Variants in PDGFRL observed in about 807,000 individuals in gnomAD.
The protein encoded by PDGFRL is platelet derived growth factor receptor like.
In PDGFRL, 46 loss-of-function variants were observed where a neutral mutation model predicts 37.2. The observed-to-expected ratio is 1.24, with a 90% CI of 0.98 to 1.58. The LOEUF (loss-of-function observed/expected upper bound fraction) is 1.58, where lower values mean the gene tolerates loss of function less well. PDGFRL is among the 40% of genes most tolerant of loss of function. The pLI is 0.00. For missense variants in PDGFRL, 692 were observed against 467.6 expected, an observed-to-expected ratio of 1.48 and a Z score of -4.43; for synonymous variants, 251 against 184.3, an observed-to-expected ratio of 1.36 and a Z score of -2.93.
chr8:17,640,002 G>T (rs561219718), intron 5 of PDGFRL, among the ~76,000 whole-genome samples: 4 of 152,040 alleles, frequency 2.6e-5, no homozygotes, highest in Non-Finnish European at 5.9e-5. Context: ...GTCTTTGTTC[G>T]ATTGGGTTAA....
chr8:17,587,363 T>G (rs1803839395), intron 1 of PDGFRL, among the ~76,000 whole-genome samples: 2 of 152,194 alleles, frequency 1.3e-5, no homozygotes, highest in Non-Finnish European at 2.9e-5. Flanking sequence ...GTAGCTCTGT[T>G]TGTCTAAATT....
At chr8:17,588,579 A>G (rs1803867030) in intron 1 of PDGFRL, among the ~76,000 whole-genome samples, 1 of 152,122 alleles carries the variant, frequency 6.6e-6, no homozygotes, top group Admixed American at 6.6e-5. Context: ...AGGCTGAGGC[A>G]GGAGGATCAC....
chr8:17,588,889 T>C (rs1264604192), intron 1 of PDGFRL, among the ~76,000 whole-genome samples: 2 of 152,192 alleles, frequency 1.3e-5, no homozygotes, highest in African/African-American at 4.8e-5. Context: ...CAGGCAGTAA[T>C]ATTTTTGTTT....
At chr8:17,626,201 A>C (rs1458349348) in intron 3 of PDGFRL, among the ~76,000 whole-genome samples, 1 of 152,228 alleles carries the variant, frequency 6.6e-6, no homozygotes, top group Non-Finnish European at 1.5e-5. Context: ...TCTCTTGACA[A>C]ATGTGGACAT....
In PDGFRL at chr8:17,628,614, C is replaced by A. The variant is rs1378230903; in HGVS notation, c.633C>A (p.Phe211Leu). Reference protein sequence around the residue: ...LSAKVTLHREFPAKEIPANGT... With the variant: ...LSAKVTLHRELPAKEIPANGT... ...CCAAAGTCACGCTCCACAGGGAATT[C>A]CCAGCCAAGGAGATCCCAGCCAATG... is the stretch of plus-strand genomic sequence containing the variant. Residue 211 changes from phenylalanine (F) to leucine (L), a missense_variant, in exon 4 of 6, where the codon TTC (phenylalanine) becomes TTA (leucine). Physicochemically the swap from Phe to Leu is conservative, Grantham distance 22. Coordinates refer to ENST00000251630, the MANE Select transcript of PDGFRL (RefSeq NM_001372073.1). 6.2e-7 allele frequency: 1 copy of A among 1,614,176 alleles called. No homozygotes were observed.
chr8:17,618,429 T>G (rs1416988215), intron 2 of PDGFRL, among the ~76,000 whole-genome samples: 1 of 152,242 alleles, frequency 6.6e-6, no homozygotes, highest in Non-Finnish European at 1.5e-5. Context: ...ATGGCTATAG[T>G]AATCTTCATG....
rs1585328869 is a variant in PDGFRL at position 17,626,517 on chromosome 8, C to A, written c.506-1970C>A. On this transcript the variant is annotated intron_variant, in intron 3 of 5. Transcript: ENST00000251630. Reference sequence around the variant, plus strand: ...CCATTTGATGATGTGTCCAGGAATTCTGCCCCCAACCTAAAACACCATCTA... The same window carrying A: ...CCATTTGATGATGTGTCCAGGAATTATGCCCCCAACCTAAAACACCATCTA... Among the ~76,000 whole-genome samples the A allele has an allele frequency of 2.0e-5, 3 of 152,272 alleles. No homozygotes were observed. In the East Asian group the frequency reaches 5.8e-4, roughly 29 times the overall value.
intron 1 of PDGFRL, among the ~76,000 whole-genome samples, chr8:17,582,953 A>C (rs1803739041): frequency 6.6e-6 from 1 of 152,142 alleles, no homozygotes; most frequent in Non-Finnish European, 1.5e-5. Flanking sequence ...CAGGTGCACC[A>C]GCTCTAGCCT....
intron 4 of PDGFRL, among the ~76,000 whole-genome samples, chr8:17,631,867 C>T (rs1342443712): frequency 1.3e-5 from 2 of 152,220 alleles, no homozygotes; most frequent in Admixed American, 6.5e-5. Context: ...TGGTGCTCCC[C>T]CAGGCACCCT....
chr8:17,586,324 C>G (rs996062143), intron 1 of PDGFRL, among the ~76,000 whole-genome samples: 5 of 152,194 alleles, frequency 3.3e-5, no homozygotes, highest in African/African-American at 9.7e-5. Flanking sequence ...GCACCTCCAG[C>G]TCTTCCAGGA....
Position 17,579,959 on chromosome 8 carries a change from C to T in PDGFRL, c.55+2652C>T, listed in dbSNP as rs140063166. 7.2e-5 allele frequency among the ~76,000 whole-genome samples: 11 copies of T among 152,082 alleles called. No homozygotes were observed. In the East Asian group the frequency reaches 7.7e-4, roughly 11 times the overall value. On this transcript the variant is annotated intron_variant, in intron 1 of 5. Coordinates refer to ENST00000251630, the MANE Select transcript of PDGFRL (RefSeq NM_001372073.1). ...AGCATTTATATGGAATACATGCCAC[C>T]GAGTTTATTAATAGGGTGCTTCTAT... is the stretch of plus-strand genomic sequence containing the variant.
intron 2 of PDGFRL, chr8:17,596,257 G>A: frequency 3.5e-6 from 3 of 851,494 alleles, no homozygotes; most frequent in South Asian, 6.0e-5. Flanking sequence ...TGTCCTCTCT[G>A]GACCTCAGTT....
intron 5 of PDGFRL, among the ~76,000 whole-genome samples, chr8:17,641,772 G>A (rs1011138972): frequency 3.3e-5 from 5 of 151,824 alleles, no homozygotes; most frequent in African/African-American, 1.2e-4. Context: ...TCTGGCCTAT[G>A]GGCTGTGATT....
chr8:17,581,682 A>T (rs1239524307), intron 1 of PDGFRL, among the ~76,000 whole-genome samples: 1 of 152,072 alleles, frequency 6.6e-6, no homozygotes, highest in Non-Finnish European at 1.5e-5. Context: ...CTCCCACCGC[A>T]CCATGTGATC....
At chr8:17,632,775 C>G (rs1467581768) in intron 4 of PDGFRL, among the ~76,000 whole-genome samples, 1 of 152,248 alleles carries the variant, frequency 6.6e-6, no homozygotes, top group East Asian at 1.9e-4. Flanking sequence ...CCCTCCCCTC[C>G]TCTCCCCAGC....
intron 2 of PDGFRL, among the ~76,000 whole-genome samples, chr8:17,604,533 A>G (rs913927363): frequency 2.6e-5 from 4 of 152,096 alleles, no homozygotes; most frequent in African/African-American, 7.2e-5. Flanking sequence ...GGAATTGAAC[A>G]ACGAGAATGC....
At chr8:17,603,683 T>G (rs904807712) in intron 2 of PDGFRL, among the ~76,000 whole-genome samples, 27 of 152,180 alleles carry the variant, frequency 1.8e-4, no homozygotes, top group Admixed American at 1.7e-3. Flanking sequence ...AGGCAGATGA[T>G]GGAGATAAGA....
At chr8:17,610,932 T>C (rs1282511694) in intron 2 of PDGFRL, among the ~76,000 whole-genome samples, 1 of 152,140 alleles carries the variant, frequency 6.6e-6, no homozygotes, top group Non-Finnish European at 1.5e-5. Context: ...CGAGAATTGA[T>C]GATTTCGTTG....
chr8:17,623,585 T>A (rs964682356), intron 3 of PDGFRL, among the ~76,000 whole-genome samples: 1 of 152,172 alleles, frequency 6.6e-6, no homozygotes, highest in Non-Finnish European at 1.5e-5. Context: ...ATTAATATTA[T>A]GGGCTCTTGG....
Sources: allele counts gnomAD v4.1 joint callset (sites outside exome capture counted in the v4.1 genomes callset), GRCh38; gene constraint gnomAD v4.1.1; transcripts MANE v1.5; gene names NCBI Gene and HGNC (gene_info 2026-07-23, HGNC 2026-07-21).